Variants in ACOT7 observed in about 807,000 individuals in gnomAD.
The protein encoded by ACOT7 is acyl-CoA thioesterase 7, also known as cytosolic acyl coenzyme A thioester hydrolase.
In ACOT7, 12 loss-of-function variants were observed where a neutral mutation model predicts 40.2. The observed-to-expected ratio is 0.30, with a 90% CI of 0.19 to 0.48. The LOEUF is 0.48. Among genes scored for constraint, ACOT7 ranks in the 20% least tolerant of loss-of-function variants. The pLI is 0.99. For synonymous variants in ACOT7, 228 were observed against 219.5 expected, an observed-to-expected ratio of 1.04 and a Z score of -0.34; for missense variants, 395 against 530.8, an observed-to-expected ratio of 0.74 and a Z score of 2.51.
chr1:6,273,250 A>G (rs1639087128), intron 8 of ACOT7, among the ~76,000 whole-genome samples: 1 of 152,232 alleles, frequency 6.6e-6, no homozygotes, highest in African/African-American at 2.4e-5. Flanking sequence ...GGGCTCAGGC[A>G]GAGGGAAGGC....
intron 1 of ACOT7, among the ~76,000 whole-genome samples, chr1:6,371,702 T>C (rs1009555622): frequency 1.1e-4 from 16 of 152,112 alleles, no homozygotes; most frequent in Non-Finnish European, 2.4e-4. Flanking sequence ...TCCCTAGCTA[T>C]GAAAGTCCTA....
At chr1:6,354,895 T>C in intron 1 of ACOT7, among the ~76,000 whole-genome samples, 1 of 150,964 alleles carries the variant, frequency 6.6e-6, no homozygotes, top group Non-Finnish European at 1.5e-5. Flanking sequence ...GCCTCTTGCC[T>C]TGGCTGAGAT....
chr1:6,349,947 G>A lies in ACOT7; in HGVS notation c.144-81C>T. ...AGTGACAATCCAAGGAGGGGAGAAG[G>A]TCCCCAAAGGGCTCAATGGCTCCCG... On this transcript the variant is annotated intron_variant, in intron 1 of 8. Coordinates refer to ENST00000361521, the MANE Select transcript of ACOT7 (RefSeq NM_007274.4). 3.7e-6 allele frequency: 5 copies of A among 1,357,132 alleles called. No individual in the cohort carries two copies. In the South Asian group the frequency reaches 5.9e-5, roughly 16 times the overall value. 84.1% of individuals were successfully genotyped at this position (1,357,132 alleles called of 1,614,324 possible).
At chr1:6,331,876 G>A (rs960950777) in intron 4 of ACOT7, among the ~76,000 whole-genome samples, 1 of 152,332 alleles carries the variant, frequency 6.6e-6, no homozygotes, top group East Asian at 1.9e-4. Flanking sequence ...GGTCAGACAC[G>A]GAGCTGGGGA....
At chr1:6,290,875 G>C (rs1446755272) in intron 7 of ACOT7, among the ~76,000 whole-genome samples, 1 of 152,206 alleles carries the variant, frequency 6.6e-6, no homozygotes, top group Non-Finnish European at 1.5e-5. Context: ...CTTGCCAGCT[G>C]TATGACTGCT....
In ACOT7 at chr1:6,311,523, C is replaced by G. The variant is rs1640331410; in HGVS notation, c.712+6969G>C. ...GCTGCCGCTGTCCGCAAGGTTCAAT[C>G]TGCCCCTCAAGGTATCTCAACTCCC... On this transcript the variant is annotated intron_variant, in intron 6 of 8. Coordinates refer to ENST00000361521, the MANE Select transcript of ACOT7 (RefSeq NM_007274.4). The surrounding 1 kb of genome is among the most constrained non-coding windows in gnomAD (Gnocchi z 5.2). Among the ~76,000 whole-genome samples the G allele has an allele frequency of 6.6e-6, 1 of 152,238 alleles. No individual in the cohort carries two copies. The highest frequency in any genetic ancestry group is 2.4e-5 in the African/African-American group (1 of 41,458).
chr1:6,295,965 G>A (rs971452310), intron 6 of ACOT7, among the ~76,000 whole-genome samples: 14 of 152,030 alleles, frequency 9.2e-5, no homozygotes, highest in African/African-American at 3.4e-4. Flanking sequence ...GTACAGTGAT[G>A]TGATCTCAGC....
At chr1:6,333,287 T>A (rs1247982748) in intron 4 of ACOT7, among the ~76,000 whole-genome samples, 190 bp downstream of exon 4, 1 of 152,170 alleles carries the variant, frequency 6.6e-6, no homozygotes, top group Non-Finnish European at 1.5e-5. Flanking sequence ...GGACAGAAAC[T>A]CCTGTGGAGC....
intron 1 of ACOT7, among the ~76,000 whole-genome samples, chr1:6,372,423 T>C (rs1235823864): frequency 2.6e-5 from 4 of 152,226 alleles, no homozygotes; most frequent in African/African-American, 9.6e-5. Flanking sequence ...GGAGCAGCAC[T>C]TGTAATTTCC....
chr1:6,280,858 G>A (rs899603539), intron 8 of ACOT7, among the ~76,000 whole-genome samples: 3 of 152,180 alleles, frequency 2.0e-5, no homozygotes, highest in Admixed American at 6.5e-5. Context: ...CCCACCCCAC[G>A]GGCCCTGGGA....
chr1:6,280,948 C>T (rs1421732373), intron 8 of ACOT7, among the ~76,000 whole-genome samples, 154 bp downstream of exon 8: 1 of 152,198 alleles, frequency 6.6e-6, no homozygotes, highest in Admixed American at 6.5e-5. Flanking sequence ...AGCCCGAGGT[C>T]ACCGGTCACG....
chr1:6,265,445 G>T (rs999172668), intron 8 of ACOT7, among the ~76,000 whole-genome samples: 1 of 152,206 alleles, frequency 6.6e-6, no homozygotes, highest in Non-Finnish European at 1.5e-5. Flanking sequence ...CCACGCTCTG[G>T]ACCGTACACT....
At position 6,306,585 on chromosome 1, in the gene ACOT7, A is replaced by G; in HGVS notation, c.713-11605T>C. The G allele has an allele frequency of 3.0e-6, 3 of 985,438 alleles. No individual in the cohort carries two copies. Among genetic ancestry groups the G allele is most frequent in the Non-Finnish European group, 3.6e-6 (3 of 829,918 alleles). 61.0% of individuals were successfully genotyped at this position (985,438 alleles called of 1,614,324 possible). On this transcript the variant is annotated intron_variant, in intron 6 of 8. Coordinates refer to ENST00000361521, the MANE Select transcript of ACOT7 (RefSeq NM_007274.4). The surrounding 1 kb of genome is among the most constrained non-coding windows in gnomAD (Gnocchi z 4.3). Reference sequence around the variant, plus strand: ...TGGAGAACGATGTTTTCAAACACCAAGATCCTAGAAGGCGAGTACTAGAAG... The same window carrying G: ...TGGAGAACGATGTTTTCAAACACCAGGATCCTAGAAGGCGAGTACTAGAAG...
At chr1:6,316,016 A>C (rs1006271684) in intron 6 of ACOT7, among the ~76,000 whole-genome samples, 1 of 151,950 alleles carries the variant, frequency 6.6e-6, no homozygotes, top group South Asian at 2.1e-4. Flanking sequence ...TTCAGCACAT[A>C]AAGAAAGAAA....
intron 4 of ACOT7, among the ~76,000 whole-genome samples, chr1:6,332,690 G>A (rs1026200244): frequency 5.3e-5 from 8 of 151,996 alleles, no homozygotes; most frequent in Non-Finnish European, 7.4e-5. Context: ...GTGTGGTGGC[G>A]GGCGCCTGTA....
intron 4 of ACOT7, among the ~76,000 whole-genome samples, chr1:6,328,687 A>G (rs899156300): frequency 6.6e-6 from 1 of 152,180 alleles, no homozygotes; most frequent in African/African-American, 2.4e-5. Context: ...GTCTAAAAAA[A>G]TAAATAAATA....
At chr1:6,305,208 C>T (rs1482484626) in intron 6 of ACOT7, among the ~76,000 whole-genome samples, 2 of 149,410 alleles carry the variant, frequency 1.3e-5, no homozygotes, top group East Asian at 2.0e-4. Flanking sequence ...GGCTGTCCCC[C>T]CCACATCCTT....
chr1:6,393,552 G>T lies in ACOT7; in HGVS notation c.-153C>A, dbSNP rs1571362281. On this transcript the variant is annotated 5_prime_UTR_variant, in exon 1 of 9. Coordinates refer to ENST00000361521, the MANE Select transcript of ACOT7 (RefSeq NM_007274.4). ...AGGCCGCCAAGGCTGCAGAGAGCTCGCGCGGGCGTACGATTCTGGCGGCGT... is the reference window on the plus strand; with the variant it reads ...AGGCCGCCAAGGCTGCAGAGAGCTCTCGCGGGCGTACGATTCTGGCGGCGT... The T allele has an allele frequency of 1.6e-6, 1 of 644,296 alleles. No individual in the cohort carries two copies. The allele number at this position is 644,296 out of a possible 1,614,324, so 39.9% of individuals were successfully genotyped here.
chr1:6,267,488 T>C lies in ACOT7; in HGVS notation c.1015-2793A>G, dbSNP rs116905951. ...GCCTGCCTGCCTGCCTGCCTGCCTG[T>C]CTGTGTCTGCAGATCCTCTGGGCTC... On this transcript the variant is annotated intron_variant, in intron 8 of 8. Coordinates refer to ENST00000361521, the MANE Select transcript of ACOT7 (RefSeq NM_007274.4). Among the ~76,000 whole-genome samples, 1,087 of 151,552 alleles carry C rather than the reference T, an allele frequency of 7.2e-3. 13 individuals carry two copies. The highest frequency in any genetic ancestry group is 0.034 in the South Asian group (165 of 4,814).
Sources: gnomAD v4.1 joint callset for allele counts (sites outside exome capture counted in the v4.1 genomes callset) on GRCh38, gnomAD v4.1.1 for gene constraint, Gnocchi (gnomAD v3.1) non-coding constraint, MANE v1.5 for transcripts, NCBI Gene and HGNC (gene_info 2026-07-23, HGNC 2026-07-21) for gene names.